The following DCANP1 variants were observed in gnomAD, a reference collection of about 807,000 sequenced individuals.
DCANP1 encodes the protein dendritic cell associated nuclear protein 1.
For synonymous variants in DCANP1, 139 were observed against 124.2 expected, an observed-to-expected ratio of 1.12 and a Z score of -0.79; for missense variants, 328 against 293.7, an observed-to-expected ratio of 1.12 and a Z score of -0.85.
chr5:135,446,677 G>A lies in DCANP1; in HGVS notation c.432C>T (p.His144=), dbSNP rs1769270958. 6.2e-7 allele frequency: 1 copy of A among 1,613,962 alleles called. No individual in the cohort carries two copies. The highest frequency in any genetic ancestry group is 8.5e-7 in the Non-Finnish European group (1 of 1,179,814). ...CSFRLYPFTV[H]TVSPGNSHLA... is the part of the protein sequence containing the mutation. ...GGTGTGAGTTTCCCGGTGAGACTGT[G>A]TGAACTGTGAACGGGTAGAGTCTGA... is the stretch of plus-strand genomic sequence containing the variant. The change falls in exon 1 of 1, where the codon CAC becomes CAT. Residue 144 remains histidine (H), a synonymous_variant. Coordinates refer to ENST00000503143, the MANE Select transcript of DCANP1 (RefSeq NM_130848.3).
Position 135,446,717 on chromosome 5 carries a change from T to A in DCANP1, c.392A>T (p.His131Leu). The change falls in exon 1 of 1, where the codon CAT (histidine) becomes CTT (leucine). Residue 131 changes from histidine (H) to leucine (L), a missense_variant. Physicochemically the swap from His to Leu is moderately conservative, Grantham distance 99. Coordinates refer to ENST00000503143, the MANE Select transcript of DCANP1 (RefSeq NM_130848.3). ...GTAGAGTCTGAAACTACAAACCAGA[T>A]GTTTCCGGGCTCCCTCCCGCCTGGT... Reference protein sequence around the residue: ...GQTRREGARKHLVCSFRLYPF... With the variant: ...GQTRREGARKLLVCSFRLYPF... The A allele has an allele frequency of 6.2e-7, 1 of 1,613,880 alleles. No homozygotes were observed.
rs1455275385 is a variant in DCANP1 at position 135,445,731 on chromosome 5, A to G, written c.*643T>C. On this transcript the variant is annotated 3_prime_UTR_variant, in exon 1 of 1. Transcript: ENST00000503143. ...CTTCCTCCAGGTTGCATCCAGGACT[A>G]TGCTGTCTAGCGTGTCTGCTGTGAC... 5 of 152,442 alleles carry G rather than the reference A, an allele frequency of 3.3e-5. No homozygotes were observed. Among genetic ancestry groups the G allele is most frequent in the African/African-American group, 1.2e-4 (5 of 41,462 alleles). The allele number at this position is 152,442 out of a possible 1,614,324, so 9.4% of individuals were successfully genotyped here.
Position 135,446,812 on chromosome 5 carries a change from C to G in DCANP1, c.297G>C (p.Ser99=). The change falls in exon 1 of 1, where the codon TCG becomes TCC. Residue 99 remains serine, a synonymous_variant. Coordinates refer to ENST00000503143, the MANE Select transcript of DCANP1 (RefSeq NM_130848.3). ...LHRGLCNSNL[S]SEASARPSGT... ...CTGAGGGCCTCGCAGATGCTTCACT[C>G]GAAAGATTGGAGTTGCAGAGTCCCC... The G allele has an allele frequency of 1.2e-6, 2 of 1,613,924 alleles. No individual in the cohort carries two copies. The highest frequency in any genetic ancestry group is 1.7e-6 in the Non-Finnish European group (2 of 1,179,830).
In DCANP1 at chr5:135,446,231, G is replaced by A. The variant is rs1193801542; in HGVS notation, c.*143C>T. 3.1e-6 allele frequency: 3 copies of A among 973,340 alleles called. No individual in the cohort carries two copies. Among genetic ancestry groups the A allele is most frequent in the African/African-American group, 3.3e-5 (2 of 61,126 alleles). The allele number at this position is 973,340 out of a possible 1,614,324, so 60.3% of individuals were successfully genotyped here. A position where few individuals can be genotyped will look rare whatever the true frequency, so the allele number is the denominator to read the frequency against. On this transcript the variant is annotated 3_prime_UTR_variant, in exon 1 of 1. Transcript: ENST00000503143. ...ACTTGTCCAGGATCACAGAACTATA[G>A]TAAGTGGGGGTGGGGACAAGAATTC...
In DCANP1 at chr5:135,447,247, A is replaced by G; in HGVS notation, c.-139T>C. 9.6e-7 allele frequency: 1 copy of G among 1,037,120 alleles called. No homozygotes were observed. The highest frequency in any genetic ancestry group is 1.4e-6 in the Non-Finnish European group (1 of 711,038). 64.2% of individuals were successfully genotyped at this position (1,037,120 alleles called of 1,614,324 possible). On this transcript the variant is annotated 5_prime_UTR_variant, in exon 1 of 1. Coordinates refer to ENST00000503143, the MANE Select transcript of DCANP1 (RefSeq NM_130848.3). ...CCTGCCTATTGGACCTTCTGATGCA[A>G]GGAGCAGATTAAAATCCCCTCCCTG...
rs1031843 is a variant in DCANP1, at chr5:135,446,868, G to C, written c.241C>G (p.Leu81Val). 8.1e-6 allele frequency: 13 copies of C among 1,613,778 alleles called. No individual in the cohort carries two copies. The South Asian group carries it at 1.4e-4, about 18-fold the overall frequency. The part of the protein sequence containing the change: ...GRNKTLPAGV[L>V]REGAVQFLHR... Reference sequence around the variant, plus strand: ...AGGAATTGAACTGCCCCCTCTCGCAGGACCCCAGCTGGCAAGGTTTTGTTC... The same window carrying C: ...AGGAATTGAACTGCCCCCTCTCGCACGACCCCAGCTGGCAAGGTTTTGTTC... Residue 81 changes from leucine to valine, a missense_variant, in exon 1 of 1, where the codon CTG becomes GTG. Leu to Val is a conservative substitution (Grantham distance 32). Transcript: ENST00000503143.
Position 135,447,142 on chromosome 5 carries a change from C to T in DCANP1, c.-34G>A, listed in dbSNP as rs1278070659. Reference sequence around the variant, plus strand: ...GACCATTTTGGTCAGTGACAGATCACTGCTGCTTTTCATCAGACCAAAATA... The same window carrying T: ...GACCATTTTGGTCAGTGACAGATCATTGCTGCTTTTCATCAGACCAAAATA... On this transcript the variant is annotated 5_prime_UTR_variant, in exon 1 of 1. In the 5' UTR this introduces an upstream ATG that the reference lacks. Coordinates refer to ENST00000503143, the MANE Select transcript of DCANP1 (RefSeq NM_130848.3). 3 of 1,613,722 alleles carry T rather than the reference C, an allele frequency of 1.9e-6. No homozygotes were observed. Among genetic ancestry groups the T allele is most frequent in the South Asian group, 1.1e-5 (1 of 91,016 alleles).
Position 135,446,860 on chromosome 5 carries a change from C to A in DCANP1, c.249G>T (p.Glu83Asp). Residue 83 changes from glutamate (E) to aspartate (D), a missense_variant, in exon 1 of 1, where the codon GAG (glutamate) becomes GAT (aspartate). Glu to Asp is a conservative substitution (Grantham distance 45). Transcript: ENST00000503143. ...NKTLPAGVLR[E>D]GAVQFLHRGL... ...CCCTGTGGAGGAATTGAACTGCCCC[C>A]TCTCGCAGGACCCCAGCTGGCAAGG... 6.2e-7 allele frequency: 1 copy of A among 1,613,920 alleles called. No homozygotes were observed. Among genetic ancestry groups the A allele is most frequent in the Non-Finnish European group, 8.5e-7 (1 of 1,179,834 alleles).
chr5:135,445,826 G>C lies in DCANP1; in HGVS notation c.*548C>G, dbSNP rs182121798. On this transcript the variant is annotated 3_prime_UTR_variant, in exon 1 of 1. Transcript: ENST00000503143. Reference sequence around the variant, plus strand: ...TGCAAGTCTCCCTCGAGGGGAGCCCGTGTCTCTCACGGACAGCTTGGCAAG... The same window carrying C: ...TGCAAGTCTCCCTCGAGGGGAGCCCCTGTCTCTCACGGACAGCTTGGCAAG... 6.5e-6 allele frequency: 1 copy of C among 152,998 alleles called. No individual in the cohort carries two copies. Among genetic ancestry groups the C allele is most frequent in the South Asian group, 2.1e-4 (1 of 4,834 alleles). 9.5% of individuals were successfully genotyped at this position (152,998 alleles called of 1,614,324 possible). A position where few individuals can be genotyped will look rare whatever the true frequency, so the allele number is the denominator to read the frequency against.
chr5:135,447,307 T>C lies in DCANP1; in HGVS notation c.-199A>G, dbSNP rs1052814896. 1 of 651,998 alleles carries C rather than the reference T, an allele frequency of 1.5e-6. No individual in the cohort carries two copies. The highest frequency in any genetic ancestry group is 2.7e-6 in the Non-Finnish European group (1 of 373,706). 40.4% of individuals were successfully genotyped at this position (651,998 alleles called of 1,614,324 possible). On this transcript the variant is annotated 5_prime_UTR_variant, in exon 1 of 1. Transcript: ENST00000503143. ...AGGTCCGTGGCTACAACTAAATCCC[T>C]AGTTGGGGAATCACAGAGCACAGGT... is the stretch of plus-strand genomic sequence containing the variant.
Position 135,446,410 on chromosome 5 carries a change from G to A in DCANP1, c.699C>T (p.Leu233=). The A allele has an allele frequency of 6.2e-7, 1 of 1,610,348 alleles. No individual in the cohort carries two copies. Among genetic ancestry groups the A allele is most frequent in the Non-Finnish European group, 8.5e-7 (1 of 1,176,940 alleles). Residue 233 remains leucine, a synonymous_variant, in exon 1 of 1, where the codon CTC becomes CTT. Coordinates refer to ENST00000503143, the MANE Select transcript of DCANP1 (RefSeq NM_130848.3). ...CGTGGGCTGCCCTGCGGTGGGAGCT[G>A]AGAGAATGCAGTGGAGGTTGTTGGG... ...SSSQQPPLHS[L]SSHRRAAHVP...
chr5:135,446,609 G>T lies in DCANP1; in HGVS notation c.500C>A (p.Ser167Tyr). The T allele has an allele frequency of 6.2e-7, 1 of 1,614,062 alleles. No homozygotes were observed. Among genetic ancestry groups the T allele is most frequent in the Non-Finnish European group, 8.5e-7 (1 of 1,179,900 alleles). Reference protein sequence around the residue: ...QVFKAVKLCPSETSFFLSRKS... With the variant: ...QVFKAVKLCPYETSFFLSRKS... ...TCTACTCAAGAAAAATGAAGTCTCGGATGGGCAGAGCTTAACTGCCTTAAA... is the reference window on the plus strand; with the variant it reads ...TCTACTCAAGAAAAATGAAGTCTCGTATGGGCAGAGCTTAACTGCCTTAAA... The change falls in exon 1 of 1, where the codon TCC becomes TAC. Residue 167 changes from serine (S) to tyrosine (Y), a missense_variant. Transcript: ENST00000503143.
Position 135,446,966 on chromosome 5 carries a change from T to G in DCANP1, c.143A>C (p.Asn48Thr). The stretch of plus-strand genomic sequence containing the variant: ...CAGGGGCAGCAGCTCATTCCCAAAG[T>G]TCTCTGGTGGAGCTGGGGAGTGGCA... ...PGCHSPAPPE[N>T]FGNELLPLSA... is the part of the protein sequence containing the mutation. Residue 48 changes from asparagine to threonine, a missense_variant, in exon 1 of 1, where the codon AAC becomes ACC. Asn to Thr is a moderately conservative substitution (Grantham distance 65, BLOSUM62 0). Coordinates refer to ENST00000503143, the MANE Select transcript of DCANP1 (RefSeq NM_130848.3). 6.2e-7 allele frequency: 1 copy of G among 1,612,956 alleles called. No individual in the cohort carries two copies. The highest frequency in any genetic ancestry group is 8.5e-7 in the Non-Finnish European group (1 of 1,179,442).
At position 135,447,110 on chromosome 5, in the gene DCANP1, G is replaced by T. The variant is rs377763391; in HGVS notation, c.-2C>A. The T allele has an allele frequency of 1.1e-4, 172 of 1,613,912 alleles. No individual in the cohort carries two copies. The highest frequency in any genetic ancestry group is 1.4e-4 in the Non-Finnish European group (168 of 1,179,918). On this transcript the variant is annotated 5_prime_UTR_variant, in exon 1 of 1. Coordinates refer to ENST00000503143, the MANE Select transcript of DCANP1 (RefSeq NM_130848.3). Reference sequence around the variant, plus strand: ...GTGGGTTGCTGCTCCGTAATGCATAGTTGGGGGACCATTTTGGTCAGTGAC... The same window carrying T: ...GTGGGTTGCTGCTCCGTAATGCATATTTGGGGGACCATTTTGGTCAGTGAC...
chr5:135,447,202 G>C lies in DCANP1; in HGVS notation c.-94C>G. The C allele has an allele frequency of 6.6e-7, 1 of 1,508,962 alleles. No homozygotes were observed. Among genetic ancestry groups the C allele is most frequent in the Non-Finnish European group, 9.1e-7 (1 of 1,097,878 alleles). The allele number at this position is 1,508,962 out of a possible 1,614,324, so 93.5% of individuals were successfully genotyped here. A position where few individuals can be genotyped will look rare whatever the true frequency, so the allele number is the denominator to read the frequency against. On this transcript the variant is annotated 5_prime_UTR_variant, in exon 1 of 1. Coordinates refer to ENST00000503143, the MANE Select transcript of DCANP1 (RefSeq NM_130848.3). ...TCTTCTCCTTGCCAGCCCTACCAGG[G>C]CATCTCCCATTATACTAACCCTGCC...
chr5:135,446,857 C>T lies in DCANP1; in HGVS notation c.252G>A (p.Gly84=), dbSNP rs1769276094. 1.2e-6 allele frequency: 2 copies of T among 1,613,866 alleles called. No individual in the cohort carries two copies. Among genetic ancestry groups the T allele is most frequent in the Non-Finnish European group, 1.7e-6 (2 of 1,179,836 alleles). Residue 84 remains glycine, a synonymous_variant, in exon 1 of 1, where the codon GGG becomes GGA. Coordinates refer to ENST00000503143, the MANE Select transcript of DCANP1 (RefSeq NM_130848.3). ...GTCCCCTGTGGAGGAATTGAACTGC[C>T]CCCTCTCGCAGGACCCCAGCTGGCA... ...KTLPAGVLRE[G]AVQFLHRGLC... is the part of the protein sequence containing the mutation.
At position 135,446,242 on chromosome 5, in the gene DCANP1, T is replaced by C. The variant is rs1240132518; in HGVS notation, c.*132A>G. On this transcript the variant is annotated 3_prime_UTR_variant, in exon 1 of 1. Transcript: ENST00000503143. Reference sequence around the variant, plus strand: ...ATCACAGAACTATAGTAAGTGGGGGTGGGGACAAGAATTCTAACCCAGGCA... The same window carrying C: ...ATCACAGAACTATAGTAAGTGGGGGCGGGGACAAGAATTCTAACCCAGGCA... The C allele has an allele frequency of 9.3e-7, 1 of 1,071,104 alleles. No homozygotes were observed. Among genetic ancestry groups the C allele is most frequent in the Non-Finnish European group, 1.3e-6 (1 of 741,040 alleles). The allele number at this position is 1,071,104 out of a possible 1,614,324, so 66.4% of individuals were successfully genotyped here.
At position 135,446,659 on chromosome 5, in the gene DCANP1, G is replaced by A. The variant is rs369058170; in HGVS notation, c.450C>T (p.Asn150=). Residue 150 remains asparagine (N), a synonymous_variant, in exon 1 of 1, where the codon AAC becomes AAT. Coordinates refer to ENST00000503143, the MANE Select transcript of DCANP1 (RefSeq NM_130848.3). The part of the protein sequence containing the change: ...PFTVHTVSPG[N]SHLALYQVFK... The stretch of plus-strand genomic sequence containing the variant: ...AAACTTGGTACAGGGCAAGGTGTGA[G>A]TTTCCCGGTGAGACTGTGTGAACTG... 1.8e-5 allele frequency: 29 copies of A among 1,613,926 alleles called. No individual in the cohort carries two copies. The African/African-American group carries it at 3.1e-4, about 17-fold the overall frequency.
At position 135,447,016 on chromosome 5, in the gene DCANP1, A is replaced by G. The variant is rs1769281301; in HGVS notation, c.93T>C (p.Gly31=). The G allele has an allele frequency of 2.5e-6, 4 of 1,613,628 alleles. No individual in the cohort carries two copies. Among genetic ancestry groups the G allele is most frequent in the Non-Finnish European group, 3.4e-6 (4 of 1,179,786 alleles). The change falls in exon 1 of 1, where the codon GGT becomes GGC. Residue 31 remains glycine (G), a synonymous_variant. Transcript: ENST00000503143. ...ACCCTGGGAACTCTGGGGTTTCCCC[A>G]CCAGCTCCTCTCTCCAGTCTTTGGT... The part of the protein sequence containing the change: ...PGHQRLERGA[G]GETPEFPGCH...
Sources: gnomAD v4.1 joint callset for allele counts on GRCh38, gnomAD v4.1.1 for gene constraint, MANE v1.5 for transcripts, NCBI Gene and HGNC (gene_info 2026-07-23, HGNC 2026-07-21) for gene names.